PXDN: variants seen among roughly 807,000 people sequenced by gnomAD.
PXDN encodes peroxidasin homolog.
In PXDN, 77 loss-of-function variants were observed where a neutral mutation model predicts 140.3. The observed-to-expected ratio is 0.55, with a 90% CI of 0.46 to 0.66. The LOEUF is 0.66. Ranked by LOEUF, PXDN falls within the 30% of genes least tolerant of loss-of-function variation. The pLI is 0.00. For synonymous variants in PXDN, 911 were observed against 857.4 expected (o/e 1.06, Z -1.09); for missense variants, 1,838 against 2,039.5 (o/e 0.90, Z 1.90).
intron 21 of PXDN, chr2:1,636,038 G>A (rs1682550681): frequency 1.3e-5 from 3 of 238,320 alleles, no homozygotes; most frequent in Non-Finnish European, 2.5e-5. Flanking sequence ...CAGGGCCGGG[G>A]GGCAGACAGG....
At chr2:1,691,115 T>C (rs974615509) in intron 3 of PXDN, among the ~76,000 whole-genome samples, 3 of 151,880 alleles carry the variant, frequency 2.0e-5, no homozygotes, top group Admixed American at 1.3e-4. Context: ...TAAAAAAAAA[T>C]CAAAATAACT....
intron 9 of PXDN, among the ~76,000 whole-genome samples, chr2:1,673,089 G>A (rs1475851826): frequency 6.6e-6 from 1 of 152,232 alleles, no homozygotes; most frequent in Non-Finnish European, 1.5e-5. Context: ...AGGTGGATCA[G>A]AGCAGAGTTT....
intron 19 of PXDN, among the ~76,000 whole-genome samples, chr2:1,640,921 G>A (rs1682711759): frequency 1.3e-5 from 2 of 152,274 alleles, no homozygotes; most frequent in African/African-American, 4.8e-5. Context: ...TCTTTGATGG[G>A]ACCTCCGTCC....
chr2:1,648,984 G>A lies in PXDN; in HGVS notation c.2796C>T (p.His932=), dbSNP rs759920396. 27 of 1,610,736 alleles carry A rather than the reference G, an allele frequency of 1.7e-5. No homozygotes were observed. Among genetic ancestry groups the A allele is most frequent in the Non-Finnish European group, 2.2e-5 (26 of 1,178,706 alleles). The change falls in exon 17 of 23, where the codon CAC becomes CAT. Residue 932 remains histidine, a synonymous_variant. Transcript: ENST00000252804. The surrounding 1 kb of genome is among the most constrained non-coding windows in gnomAD (Gnocchi z 8.9). ...EARSIRDLAS[H]RGLLRQGIVQ... ...CGATGCCCTGCCGCAGCAGGCCGCGGTGGCTGGCCAGGTCGCGGATGCTGC... is the reference window on the plus strand; with the variant it reads ...CGATGCCCTGCCGCAGCAGGCCGCGATGGCTGGCCAGGTCGCGGATGCTGC...
At chr2:1,744,804 C>A (rs1685655103), upstream of PXDN, 3 of 208,174 alleles carry the variant, frequency 1.4e-5, no homozygotes, top group South Asian at 5.6e-4. Context: ...CTTCTCTTAC[C>A]CGTGGTTTCT....
At position 1,687,833 on chromosome 2, in the gene PXDN, A is replaced by T. The variant is rs1684096246; in HGVS notation, c.345-130T>A. On this transcript the variant is annotated intron_variant, in intron 3 of 22. Coordinates refer to ENST00000252804, the MANE Select transcript of PXDN (RefSeq NM_012293.3). This position sits in a 1 kb window ranked among gnomAD's most constrained non-coding sequence, Gnocchi z 4.0. ...GACTGTATTAGAATGCAAACAAACC[A>T]TCTGCACGGTGAGTACAGTGCCTCT... 1.5e-6 allele frequency: 1 copy of T among 665,326 alleles called. No homozygotes were observed. The highest frequency in any genetic ancestry group is 2.3e-5 in the South Asian group (1 of 43,460). 41.2% of individuals were successfully genotyped at this position (665,326 alleles called of 1,614,324 possible). A position where few individuals can be genotyped will look rare whatever the true frequency, so the allele number is the denominator to read the frequency against.
intron 16 of PXDN, among the ~76,000 whole-genome samples, chr2:1,650,091 C>G (rs1682980619): frequency 6.6e-6 from 1 of 152,184 alleles, no homozygotes; most frequent in Non-Finnish European, 1.5e-5. Context: ...CGAGTGCACA[C>G]CATCGGTCTC....
chr2:1,730,169 C>T (rs1030307), intron 1 of PXDN, among the ~76,000 whole-genome samples: 114,842 of 152,198 alleles, frequency 0.75, 43,489 homozygotes, highest in East Asian at 0.94. Flanking sequence ...ATTTGTTTCA[C>T]TTTGTTCCTG....
intron 4 of PXDN, 83 bp from the exon 5 acceptor site, chr2:1,684,234 C>A: frequency 8.6e-7 from 1 of 1,157,514 alleles, no homozygotes; most frequent in South Asian, 1.3e-5. Context: ...TTTTCCTAGT[C>A]ATTTCAAATT....
chr2:1,744,745 GCTCGAGA>G (rs1400291979), upstream of PXDN: 72 of 268,866 alleles, frequency 2.7e-4, no homozygotes, highest in African/African-American at 1.4e-3. Flanking sequence ...CTGATTCTGC[GCTCGAGA>G]CTCGGGGCTC....
chr2:1,708,624 C>T (rs1220314040), intron 1 of PXDN, among the ~76,000 whole-genome samples: 6 of 152,250 alleles, frequency 3.9e-5, no homozygotes, highest in Admixed American at 6.5e-5. Flanking sequence ...CCAGAACCCC[C>T]GACTCGCCCC....
intron 1 of PXDN, among the ~76,000 whole-genome samples, chr2:1,718,291 TACTAACCTACTCC>T (rs1684940264): frequency 6.6e-6 from 1 of 152,038 alleles, no homozygotes; most frequent in Non-Finnish European, 1.5e-5. Flanking sequence ...CACCCAACTC[TACTAACCTACTCC>T]ACTAACCTAA....
intron 1 of PXDN, among the ~76,000 whole-genome samples, chr2:1,707,860 G>A (rs1684655653): frequency 6.6e-6 from 1 of 151,964 alleles, no homozygotes. Context: ...CCATTTAAGA[G>A]GAGCCCATTT....
At position 1,687,803 on chromosome 2, in the gene PXDN, T is replaced by C; in HGVS notation, c.345-100A>G. 1.1e-6 allele frequency: 1 copy of C among 875,690 alleles called. No homozygotes were observed. Among genetic ancestry groups the C allele is most frequent in the Non-Finnish European group, 1.8e-6 (1 of 565,156 alleles). The allele number at this position is 875,690 out of a possible 1,614,324, so 54.2% of individuals were successfully genotyped here. Reference sequence around the variant, plus strand: ...TTGACACATGGAGACAGTTTTACAATTAATGACTGTATTAGAATGCAAACA... The same window carrying C: ...TTGACACATGGAGACAGTTTTACAACTAATGACTGTATTAGAATGCAAACA... On this transcript the variant is annotated intron_variant, in intron 3 of 22. Coordinates refer to ENST00000252804, the MANE Select transcript of PXDN (RefSeq NM_012293.3). This position sits in a 1 kb window ranked among gnomAD's most constrained non-coding sequence, Gnocchi z 4.0.
intron 1 of PXDN, among the ~76,000 whole-genome samples, chr2:1,705,582 C>G (rs1446109874): frequency 1.3e-5 from 2 of 149,220 alleles, no homozygotes; most frequent in East Asian, 4.0e-4. Flanking sequence ...TCCCCATGAC[C>G]TGGAACGCAG....
chr2:1,693,953 A>T (rs573007811), intron 1 of PXDN, among the ~76,000 whole-genome samples: 1 of 152,256 alleles, frequency 6.6e-6, no homozygotes, highest in Non-Finnish European at 1.5e-5. Flanking sequence ...GCCTGAAGGC[A>T]GCGATGGGAA....
intron 6 of PXDN, among the ~76,000 whole-genome samples, chr2:1,681,169 G>T (rs551384449): frequency 7.2e-5 from 11 of 152,278 alleles, no homozygotes; most frequent in African/African-American, 1.2e-4. Flanking sequence ...GTGCACACTG[G>T]GGTGGAGCCC....
At chr2:1,679,908 TG>T (rs1473192645) in intron 7 of PXDN, among the ~76,000 whole-genome samples, 3 of 143,636 alleles carry the variant, frequency 2.1e-5, no homozygotes, top group African/African-American at 2.6e-5. Flanking sequence ...TGTGTGTAAA[TG>T]GTGTGTGTGT....
At chr2:1,716,075 A>C (rs1012536046) in intron 1 of PXDN, among the ~76,000 whole-genome samples, 1 of 152,164 alleles carries the variant, frequency 6.6e-6, no homozygotes, top group Non-Finnish European at 1.5e-5. Flanking sequence ...CACCTGTGCC[A>C]CCTGACTGGC....
Sources: allele counts gnomAD v4.1 joint callset (sites outside exome capture counted in the v4.1 genomes callset), GRCh38; gene constraint gnomAD v4.1.1; non-coding constraint Gnocchi (gnomAD v3.1); transcripts MANE v1.5; gene names NCBI Gene and HGNC (gene_info 2026-07-23, HGNC 2026-07-21).